GLP2R: variants seen among roughly 807,000 people sequenced by gnomAD.
The protein encoded by GLP2R is glucagon-like peptide 2 receptor.
A neutral mutation model predicts 68.2 loss-of-function variants in GLP2R; 59 were observed. That is an observed-to-expected ratio of 0.87 (90% CI 0.70 to 1.07). The LOEUF is 1.07. Ranked by LOEUF, GLP2R falls within the 50% of genes least tolerant of loss-of-function variation. The pLI is 0.00. For missense variants in GLP2R, 548 were observed against 677.4 expected (o/e 0.81, Z 2.12); for synonymous variants, 270 against 265.4 (o/e 1.02, Z -0.17).
chr17:9,833,179 G>A (rs4791372), intron 1 of GLP2R, among the ~76,000 whole-genome samples: 29,471 of 151,498 alleles, frequency 0.19, 3,982 homozygotes, highest in African/African-American at 0.37. Context: ...CAGGAGAATC[G>A]CTTGAACCCA....
At chr17:9,888,969 T>G (rs969552792) in intron 12 of GLP2R, among the ~76,000 whole-genome samples, 1 of 152,222 alleles carries the variant, frequency 6.6e-6, no homozygotes, top group African/African-American at 2.4e-5. Flanking sequence ...CCTCCCATTA[T>G]GTACTTCCAC....
chr17:9,870,840 G>C lies in GLP2R; in HGVS notation c.1145+5G>C. 7.3e-7 allele frequency: 1 copy of C among 1,372,656 alleles called. No individual in the cohort carries two copies. The highest frequency in any genetic ancestry group is 1.0e-6 in the Non-Finnish European group (1 of 959,468). The allele number at this position is 1,372,656 out of a possible 1,614,324, so 85.0% of individuals were successfully genotyped here. On this transcript the variant is annotated splice_donor_5th_base_variant and intron_variant, in intron 10 of 12. Coordinates refer to ENST00000262441, the MANE Select transcript of GLP2R (RefSeq NM_004246.3). Reference sequence around the variant, plus strand: ...CTTCAGAGATTATAAATACAGGTGAGTGGCTTAAGGTTGGTCCCCAGCAGT... The same window carrying C: ...CTTCAGAGATTATAAATACAGGTGACTGGCTTAAGGTTGGTCCCCAGCAGT...
rs749983399 is a variant in GLP2R at position 9,842,584 on chromosome 17, G to A, written c.472G>A (p.Glu158Lys). The change falls in exon 4 of 13, where the codon GAA (glutamate) becomes AAA (lysine). Residue 158 changes from glutamate to lysine, a missense_variant. Physicochemically the swap from Glu to Lys is moderately conservative, Grantham distance 56. Transcript: ENST00000262441. ...CACGGATATTTGGCAGGATGACTCC[G>A]AATGCTCCGAGAACCACAGCTTCAA... is the stretch of plus-strand genomic sequence containing the variant. ...NATDIWQDDS[E>K]CSENHSFKQN... 24 of 1,613,880 alleles carry A rather than the reference G, an allele frequency of 1.5e-5. No individual in the cohort carries two copies. Among genetic ancestry groups the A allele is most frequent in the East Asian group, 2.2e-5 (1 of 44,876 alleles).
chr17:9,839,984 T>TC (rs1491426830), intron 3 of GLP2R, among the ~76,000 whole-genome samples: 2 of 16,468 alleles, frequency 1.2e-4, no homozygotes, highest in Non-Finnish European at 3.9e-4. Context: ...CTGAAGCCTC[T>TC]TTTTTTTTTT....
At chr17:9,860,171 A>C in intron 7 of GLP2R, 70 bp downstream of exon 7, 1 of 1,399,062 alleles carries the variant, frequency 7.1e-7, no homozygotes, top group Non-Finnish European at 9.6e-7. Flanking sequence ...TAGAGACTTT[A>C]GTTGGACTTA....
At chr17:9,843,970 G>A (rs1429961873) in intron 4 of GLP2R, among the ~76,000 whole-genome samples, 1 of 152,154 alleles carries the variant, frequency 6.6e-6, no homozygotes, top group Non-Finnish European at 1.5e-5. Flanking sequence ...TGGGAGGGAA[G>A]TGTCAGATGC....
intron 7 of GLP2R, 124 bp downstream of exon 7, chr17:9,860,225 A>T (rs543838052): frequency 1.1e-6 from 1 of 886,632 alleles, no homozygotes; most frequent in East Asian, 2.7e-5. Context: ...AAGTCCTCAA[A>T]GACAGGGAGC....
rs185899812 is a variant in GLP2R at position 9,839,009 on chromosome 17, C to T, written c.382+2534C>T. Among the ~76,000 whole-genome samples, 13 of 152,298 alleles carry T rather than the reference C, an allele frequency of 8.5e-5. No individual in the cohort carries two copies. The East Asian group carries it at 2.5e-3, about 29-fold the overall frequency. On this transcript the variant is annotated intron_variant, in intron 3 of 12. Coordinates refer to ENST00000262441, the MANE Select transcript of GLP2R (RefSeq NM_004246.3). ...GATGGCAAACAGAAGCTGTAACTGA[C>T]GACTGAGGCTGGGGGCTGATGACGA...
chr17:9,890,068 T>G lies in GLP2R; in HGVS notation c.*363T>G. On this transcript the variant is annotated 3_prime_UTR_variant, in exon 13 of 13. Transcript: ENST00000262441. ...TTCCTTTATCCCTTGGGGTGCATGC[T>G]TTCCATCTGAGGTTGGGTTTAGGGT... is the stretch of plus-strand genomic sequence containing the variant. 1 of 462,510 alleles carries G rather than the reference T, an allele frequency of 2.2e-6. No homozygotes were observed. Among genetic ancestry groups the G allele is most frequent in the Non-Finnish European group, 4.3e-6 (1 of 231,084 alleles). The allele number at this position is 462,510 out of a possible 1,614,324, so 28.7% of individuals were successfully genotyped here. A position where few individuals can be genotyped will look rare whatever the true frequency, so the allele number is the denominator to read the frequency against.
rs570304713 is a variant in GLP2R, at chr17:9,851,698, A to G, written c.505-2797A>G. 1.1e-4 allele frequency among the ~76,000 whole-genome samples: 16 copies of G among 152,332 alleles called. No homozygotes were observed. In the Middle Eastern group the frequency reaches 0.01, roughly 97 times the overall value. ...TGCAAAAAATGATAACAGAGAAAGA[A>G]AAAAACATACGACATAGACATTTTA... is the stretch of plus-strand genomic sequence containing the variant. On this transcript the variant is annotated intron_variant, in intron 4 of 12. Transcript: ENST00000262441.
intron 4 of GLP2R, 38 bp downstream of exon 4, chr17:9,842,654 C>G: frequency 6.2e-7 from 1 of 1,610,228 alleles, no homozygotes; most frequent in Non-Finnish European, 8.5e-7. Flanking sequence ...CATCCAGGGT[C>G]CAAACCACCC....
At chr17:9,866,643 A>G (rs1451818520) in intron 9 of GLP2R, 1 of 152,206 alleles carries the variant, frequency 6.6e-6, no homozygotes. Context: ...ACTCTCTTGT[A>G]TCTTCCTTTA....
chr17:9,830,711 A>T (rs554485016), intron 1 of GLP2R, among the ~76,000 whole-genome samples: 2 of 152,326 alleles, frequency 1.3e-5, no homozygotes, highest in African/African-American at 2.4e-5. Context: ...TCCAGACACC[A>T]TGCAAACTAC....
intron 11 of GLP2R, among the ~76,000 whole-genome samples, chr17:9,886,435 T>C (rs927796560): frequency 1.3e-5 from 2 of 152,224 alleles, no homozygotes; most frequent in African/African-American, 4.8e-5. Flanking sequence ...ATTTGTCATG[T>C]GGAATCCTAT....
intron 4 of GLP2R, among the ~76,000 whole-genome samples, chr17:9,850,360 C>T (rs1388753532): frequency 1.3e-5 from 2 of 152,190 alleles, no homozygotes; most frequent in Non-Finnish European, 2.9e-5. Context: ...ATCCCTTTGC[C>T]CTAATCAATT....
rs2067236686 is a variant in GLP2R, at chr17:9,885,548, A to G, written c.1285-2384A>G. 2.6e-5 allele frequency among the ~76,000 whole-genome samples: 4 copies of G among 152,178 alleles called. No homozygotes were observed. The South Asian group carries it at 6.2e-4, about 24-fold the overall frequency. On this transcript the variant is annotated intron_variant, in intron 11 of 12. Coordinates refer to ENST00000262441, the MANE Select transcript of GLP2R (RefSeq NM_004246.3). ...TGGACAGGACCTCAGCTAAGACTAT[A>G]TAGCTCAGGGGGCCTCAGTTCTCCT...
intron 1 of GLP2R, among the ~76,000 whole-genome samples, chr17:9,827,007 G>A (rs1332439521): frequency 6.6e-6 from 1 of 152,108 alleles, no homozygotes; most frequent in East Asian, 1.9e-4. Context: ...GAGTAGCTGG[G>A]ATTACAGGTA....
chr17:9,838,777 G>A lies in GLP2R; in HGVS notation c.382+2302G>A, dbSNP rs554608752. On this transcript the variant is annotated intron_variant, in intron 3 of 12. Transcript: ENST00000262441. ...CTGCAGTGAAGAGAATGTGGAGACCGTGGAAGGGCGCAGAGGAGAACATGT... is the reference window on the plus strand; with the variant it reads ...CTGCAGTGAAGAGAATGTGGAGACCATGGAAGGGCGCAGAGGAGAACATGT... Among the ~76,000 whole-genome samples, 3 of 152,346 alleles carry A rather than the reference G, an allele frequency of 2.0e-5. No homozygotes were observed. In the South Asian group the frequency reaches 6.2e-4, roughly 32 times the overall value.
In GLP2R at chr17:9,879,235, C is replaced by T. The variant is rs181829778; in HGVS notation, c.1146-1143C>T. 7.2e-3 allele frequency among the ~76,000 whole-genome samples: 1,031 copies of T among 143,574 alleles called. 10 individuals carry two copies. Among genetic ancestry groups the T allele is most frequent in the Admixed American group, 0.013 (181 of 14,102 alleles). The allele number at this position is 143,574 out of a possible 152,430, so 94.2% of individuals were successfully genotyped here. On this transcript the variant is annotated intron_variant, in intron 10 of 12. Transcript: ENST00000262441. ...AGGAGTTTGAGACCAGCCTGGGCAA[C>T]AACATAAGATCCCCTCTCTATAAAA...
Sources: allele counts gnomAD v4.1 joint callset (sites outside exome capture counted in the v4.1 genomes callset), GRCh38; gene constraint gnomAD v4.1.1; transcripts MANE v1.5; gene names NCBI Gene and HGNC (gene_info 2026-07-23, HGNC 2026-07-21).